Variants in NOL4L observed in about 807,000 individuals in gnomAD.
The protein encoded by NOL4L is nucleolar protein 4 like.
In NOL4L, 7 loss-of-function variants were observed where a neutral mutation model predicts 64.5. The ratio of observed to expected loss-of-function variants is 0.11; its 90% confidence interval spans 0.06 to 0.20. NOL4L has a LOEUF of 0.20. Among genes scored for constraint, NOL4L ranks in the 10% least tolerant of loss-of-function variants. The pLI, the probability that NOL4L is intolerant of heterozygous loss-of-function variation, is 1.00. For synonymous variants in NOL4L, 413 were observed against 401.0 expected (o/e 1.03, Z -0.36); for missense variants, 680 against 967.1 (o/e 0.70, Z 3.94).
At chr20:32,469,064 G>A (rs745567661) in intron 5 of NOL4L, among the ~76,000 whole-genome samples, 4 of 152,084 alleles carry the variant, frequency 2.6e-5, no homozygotes, top group South Asian at 4.1e-4. Context: ...GTGGAACAGC[G>A]ACATGTATAG....
intron 4 of NOL4L, among the ~76,000 whole-genome samples, chr20:32,489,216 T>C (rs1009513379): frequency 1.3e-5 from 2 of 151,902 alleles, no homozygotes; most frequent in African/African-American, 4.8e-5. Flanking sequence ...CACCTATATT[T>C]TCTTCTGGAA....
intron 4 of NOL4L, among the ~76,000 whole-genome samples, chr20:32,491,160 G>C (rs942099075): frequency 2.4e-4 from 37 of 152,350 alleles, no homozygotes; most frequent in African/African-American, 6.7e-4. Context: ...GGGAGAGAGA[G>C]ATTAAACAAG....
chr20:32,568,383 C>T (rs1979563179), intron 1 of NOL4L, among the ~76,000 whole-genome samples: 1 of 152,114 alleles, frequency 6.6e-6, no homozygotes, highest in African/African-American at 2.4e-5. Context: ...GACTCAGATT[C>T]ACCCCTCCAG....
intron 5 of NOL4L, among the ~76,000 whole-genome samples, chr20:32,471,689 G>A (rs1159324928): frequency 1.3e-5 from 2 of 152,156 alleles, no homozygotes; most frequent in African/African-American, 4.8e-5. Flanking sequence ...TTGGAGGTGG[G>A]CCTGGTGGGA....
At chr20:32,582,545 C>T (rs1980546516) in intron 1 of NOL4L, among the ~76,000 whole-genome samples, 2 of 152,220 alleles carry the variant, frequency 1.3e-5, no homozygotes, top group Non-Finnish European at 2.9e-5. Context: ...AGGGAGAAGT[C>T]GAGCCACACA....
At chr20:32,488,994 T>A (rs768055704) in intron 4 of NOL4L, among the ~76,000 whole-genome samples, 11 of 132,290 alleles carry the variant, frequency 8.3e-5, no homozygotes, top group Non-Finnish European at 1.7e-4. Context: ...TGGTAAGAAC[T>A]TTTTGGAAAT....
chr20:32,492,694 T>C (rs1338986398), intron 4 of NOL4L, among the ~76,000 whole-genome samples: 1 of 152,206 alleles, frequency 6.6e-6, no homozygotes, highest in Non-Finnish European at 1.5e-5. Flanking sequence ...TGCTGGGCAG[T>C]GTGTATGTGT....
chr20:32,539,138 C>A (rs745968657), intron 1 of NOL4L, among the ~76,000 whole-genome samples: 1 of 152,096 alleles, frequency 6.6e-6, no homozygotes, highest in Non-Finnish European at 1.5e-5. Flanking sequence ...GGGTCCCAGC[C>A]CAAGGGCAGG....
At position 32,453,415 on chromosome 20, in the gene NOL4L, G is replaced by A. The variant is rs1269780479; in HGVS notation, c.1386C>T (p.Ala462=). ...ISKQPKEKIQ[A]IIESCSRQFP... ...ACTGCCGGCTGCAGGACTCGATGAT[G>A]GCCTGGATCTTCTCCTTGGGCTGCT... The change falls in exon 8 of 11, where the codon GCC becomes GCT. Residue 462 remains alanine (A), a synonymous_variant. Transcript: ENST00000621426. This position sits in a 1 kb window ranked among gnomAD's most constrained non-coding sequence, Gnocchi z 5.6. The A allele has an allele frequency of 6.2e-7, 1 of 1,614,112 alleles. No individual in the cohort carries two copies. Among genetic ancestry groups the A allele is most frequent in the African/African-American group, 1.3e-5 (1 of 75,006 alleles).
chr20:32,498,435 C>G (rs2016782233), intron 4 of NOL4L, among the ~76,000 whole-genome samples: 1 of 146,986 alleles, frequency 6.8e-6, no homozygotes, highest in Non-Finnish European at 1.5e-5. Context: ...AAAAAAAAAG[C>G]TTTCTGATAA....
intron 1 of NOL4L, among the ~76,000 whole-genome samples, chr20:32,546,822 G>C (rs915567649): frequency 7.2e-5 from 11 of 152,320 alleles, no homozygotes; most frequent in African/African-American, 2.4e-4. Context: ...TGGCAGTCTT[G>C]ACTTTCAACT....
chr20:32,505,576 T>C (rs2017106355), intron 4 of NOL4L, among the ~76,000 whole-genome samples: 1 of 151,978 alleles, frequency 6.6e-6, no homozygotes, highest in Non-Finnish European at 1.5e-5. Context: ...AAAAATTAGC[T>C]AGATGTGGTG....
chr20:32,478,793 A>G (rs1417485574), intron 4 of NOL4L, among the ~76,000 whole-genome samples: 2 of 152,176 alleles, frequency 1.3e-5, no homozygotes, highest in Non-Finnish European at 2.9e-5. Context: ...GGCTCACTAT[A>G]TCGCCCAGGC....
At chr20:32,449,337 G>A (rs577645813) in intron 10 of NOL4L, among the ~76,000 whole-genome samples, 1 of 152,288 alleles carries the variant, frequency 6.6e-6, no homozygotes, top group African/African-American at 2.4e-5. Context: ...GCATCTCCAT[G>A]GCAGTTTTTA....
chr20:32,477,613 C>T (rs1171943200), intron 4 of NOL4L, among the ~76,000 whole-genome samples: 3 of 152,246 alleles, frequency 2.0e-5, no homozygotes, highest in Non-Finnish European at 2.9e-5. Flanking sequence ...TTAATGAGGA[C>T]GCTCCATTAA....
At chr20:32,488,303 C>T (rs141431742) in intron 4 of NOL4L, among the ~76,000 whole-genome samples, 202 of 152,262 alleles carry the variant, frequency 1.3e-3, no homozygotes, top group Admixed American at 4.0e-3. Flanking sequence ...TGACCCTCAC[C>T]GCCCAGTTTC....
chr20:32,472,891 G>A (rs1052395277), intron 5 of NOL4L, among the ~76,000 whole-genome samples: 3 of 152,162 alleles, frequency 2.0e-5, no homozygotes, highest in East Asian at 1.9e-4. Flanking sequence ...GGCTGACCCC[G>A]CACTGGGCTC....
intron 4 of NOL4L, among the ~76,000 whole-genome samples, chr20:32,478,378 T>C (rs293535): frequency 0.12 from 18,305 of 152,026 alleles, 1,656 homozygotes; most frequent in African/African-American, 0.25. Flanking sequence ...CATAGATAAC[T>C]AAGGCAGGGC....
Position 32,452,792 on chromosome 20 carries a change from C to CCCAT in NOL4L, c.1620+88_1620+91dup, listed in dbSNP as rs2013061330. ...CCCCTCTGCCCTTCTCCCGACTGTA[C>CCCAT]CCATCACAGCTCCCTCAGTCCACAC... On this transcript the variant is annotated intron_variant, in intron 9 of 10. Coordinates refer to ENST00000621426, the MANE Select transcript of NOL4L (RefSeq NM_001256798.2). 1.9e-6 allele frequency: 3 copies of CCCAT among 1,561,596 alleles called. No homozygotes were observed. In the Admixed American group the frequency reaches 5.2e-5, roughly 27 times the overall value.
Sources: gnomAD v4.1 joint callset for allele counts (sites outside exome capture counted in the v4.1 genomes callset) on GRCh38, gnomAD v4.1.1 for gene constraint, Gnocchi (gnomAD v3.1) non-coding constraint, MANE v1.5 for transcripts, NCBI Gene and HGNC (gene_info 2026-07-23, HGNC 2026-07-21) for gene names.